Variants in ATAD2B observed in about 807,000 individuals in gnomAD.
ATAD2B encodes the protein ATPase family AAA domain-containing protein 2B.
In ATAD2B, 40 loss-of-function variants were observed where a neutral mutation model predicts 167.6. That is an observed-to-expected ratio of 0.24 (90% confidence interval 0.19 to 0.31). The LOEUF is 0.31. Ranked by LOEUF, ATAD2B falls within the 10% of genes least tolerant of loss-of-function variation. The pLI, the probability that ATAD2B is intolerant of heterozygous loss-of-function variation, is 1.00. For missense variants in ATAD2B, 1,242 were observed against 1,757.2 expected, an observed-to-expected ratio of 0.71 and a Z score of 5.24; for synonymous variants, 579 against 596.5, an observed-to-expected ratio of 0.97 and a Z score of 0.43.
intron 17 of ATAD2B, among the ~76,000 whole-genome samples, chr2:23,812,273 C>A (rs1685715645): frequency 1.3e-5 from 2 of 148,594 alleles, no homozygotes; most frequent in South Asian, 2.1e-4. Context: ...CCATCAATAA[C>A]CACTGTAAAA....
chr2:23,917,542 T>C (rs1397014199), intron 1 of ATAD2B, among the ~76,000 whole-genome samples: 4 of 151,550 alleles, frequency 2.6e-5, no homozygotes, highest in African/African-American at 9.7e-5. Flanking sequence ...GGAAAGATAG[T>C]AGCACAAGTA....
downstream of ATAD2B, among the ~76,000 whole-genome samples, chr2:23,745,945 G>C (rs1674856135): frequency 6.6e-6 from 1 of 152,216 alleles, no homozygotes; most frequent in South Asian, 2.1e-4. Flanking sequence ...CTGTGAAACA[G>C]ATGTTGACCT....
chr2:23,722,544 TAATAAAGAACAAAAAAG>T, the ATAD2B span, among the ~76,000 whole-genome samples: 1 of 151,624 alleles, frequency 6.6e-6, no homozygotes, highest in Non-Finnish European at 1.5e-5. Context: ...AAATAAATAA[TAATAAAGAACAAAAAAG>T]AATGAAGAAG....
At chr2:23,754,145 A>G (rs1409669979) in intron 27 of ATAD2B, 34 bp downstream of exon 27, 1 of 1,446,254 alleles carries the variant, frequency 6.9e-7, no homozygotes, top group Non-Finnish European at 9.1e-7. Flanking sequence ...AAAATCAAGT[A>G]TTTGTTTATT....
intron 13 of ATAD2B, among the ~76,000 whole-genome samples, chr2:23,850,559 C>A (rs1692407096): frequency 6.6e-6 from 1 of 152,150 alleles, no homozygotes; most frequent in South Asian, 2.1e-4. Flanking sequence ...TCTGAAAAAA[C>A]TACATACTGT....
chr2:23,923,446 T>G (rs1475070480), intron 1 of ATAD2B, among the ~76,000 whole-genome samples: 1 of 152,182 alleles, frequency 6.6e-6, no homozygotes, highest in African/African-American at 2.4e-5. Flanking sequence ...TATTGCATAC[T>G]TAAAATTTTC....
intron 18 of ATAD2B, among the ~76,000 whole-genome samples, chr2:23,809,558 C>CTCTA (rs758311374): frequency 7.9e-5 from 12 of 152,128 alleles, no homozygotes; most frequent in African/African-American, 1.2e-4. Flanking sequence ...AGTTATTTAA[C>CTCTA]TCTAAAAGTA....
intron 2 of ATAD2B, 99 bp downstream of exon 2, chr2:23,895,720 G>T: frequency 1.3e-6 from 1 of 769,044 alleles, no homozygotes; most frequent in Non-Finnish European, 1.9e-6. Flanking sequence ...GTATTTACAA[G>T]ATACTTATTT....
chr2:23,865,704 G>A (rs1166701175), intron 10 of ATAD2B, among the ~76,000 whole-genome samples: 1 of 151,966 alleles, frequency 6.6e-6, no homozygotes, highest in African/African-American at 2.4e-5. Flanking sequence ...AATGTTACCT[G>A]ACAAAATCTT....
intron 17 of ATAD2B, among the ~76,000 whole-genome samples, chr2:23,815,073 A>C (rs79475136): frequency 6.6e-6 from 1 of 151,632 alleles, no homozygotes. Flanking sequence ...AAAAAAAAAA[A>C]GTTTGGAATG....
At chr2:23,844,664 C>G (rs911903722) in intron 13 of ATAD2B, among the ~76,000 whole-genome samples, 2 of 152,024 alleles carry the variant, frequency 1.3e-5, no homozygotes, top group African/African-American at 4.8e-5. Context: ...AAACTCACAG[C>G]AACAGAAACT....
intron 14 of ATAD2B, among the ~76,000 whole-genome samples, chr2:23,833,149 G>A (rs758543629): frequency 6.6e-6 from 1 of 152,144 alleles, no homozygotes; most frequent in African/African-American, 2.4e-5. Flanking sequence ...CTCTACACAG[G>A]GAAGCCATTG....
At chr2:23,863,125 G>A (rs1272099691) in intron 12 of ATAD2B, among the ~76,000 whole-genome samples, 1 of 152,138 alleles carries the variant, frequency 6.6e-6, no homozygotes, top group African/African-American at 2.4e-5. Flanking sequence ...GGCCAACGTG[G>A]TGAAATCCCA....
chr2:23,822,457 A>G (rs2149649474), intron 16 of ATAD2B, among the ~76,000 whole-genome samples: 1 of 152,200 alleles, frequency 6.6e-6, no homozygotes, highest in South Asian at 2.1e-4. Flanking sequence ...AGGCAGGAGA[A>G]CTGCTTGAAC....
At chr2:23,854,044 G>A (rs758549184) in intron 13 of ATAD2B, among the ~76,000 whole-genome samples, 6 of 150,262 alleles carry the variant, frequency 4.0e-5, no homozygotes, top group African/African-American at 9.8e-5. Context: ...TCAGAAGTTC[G>A]AGACCAGCCT....
At chr2:23,822,917 CA>C (rs33911389) in intron 16 of ATAD2B, among the ~76,000 whole-genome samples, 5,402 of 65,764 alleles carry the variant, frequency 0.082, 32 homozygotes, top group Middle Eastern at 0.17. Context: ...AACTCCATCT[CA>C]AAAAAAAAAA....
intron 17 of ATAD2B, among the ~76,000 whole-genome samples, chr2:23,812,587 G>T (rs1344615653): frequency 6.6e-6 from 1 of 152,120 alleles, no homozygotes; most frequent in Non-Finnish European, 1.5e-5. Flanking sequence ...TACCAGCCGG[G>T]CACAGTGGCT....
intron 1 of ATAD2B, among the ~76,000 whole-genome samples, chr2:23,898,562 G>A (rs1304791925): frequency 6.6e-6 from 1 of 152,150 alleles, no homozygotes; most frequent in Non-Finnish European, 1.5e-5. Context: ...CAACCACCTT[G>A]GGCACATGTT....
downstream of ATAD2B, among the ~76,000 whole-genome samples, chr2:23,745,202 G>A (rs1219472561): frequency 1.3e-5 from 2 of 152,022 alleles, no homozygotes; most frequent in Non-Finnish European, 1.5e-5. Flanking sequence ...CAGGAGAATC[G>A]CTGGAACCTG....
Sources: gnomAD v4.1 joint callset for allele counts (sites outside exome capture counted in the v4.1 genomes callset) on GRCh38, gnomAD v4.1.1 for gene constraint, MANE v1.5 for transcripts, NCBI Gene and HGNC (gene_info 2026-07-23, HGNC 2026-07-21) for gene names.